Variants in SHROOM2 observed in about 807,000 individuals in gnomAD.
SHROOM2 encodes protein Shroom2.
Under a neutral mutation model 75.9 loss-of-function variants are expected in SHROOM2, and 33 were observed. The ratio of observed to expected loss-of-function variants is 0.43; its 90% CI spans 0.33 to 0.58. The LOEUF (loss-of-function observed/expected upper bound fraction) is 0.58, where lower values mean the gene tolerates loss of function less well. Among genes scored for constraint, SHROOM2 ranks in the 20% least tolerant of loss-of-function variants. The pLI is 0.04. For synonymous variants in SHROOM2, 655 were observed against 663.6 expected (o/e 0.99, Z 0.20); for missense variants, 1,434 against 1,461.2 (o/e 0.98, Z 0.30).
intron 1 of SHROOM2, among the ~76,000 whole-genome samples, chrX:9,834,271 G>T (rs757928767): frequency 0.01 from 1,172 of 112,293 alleles, 19 homozygotes; most frequent in African/African-American, 0.035. Context: ...TGCACCAGGA[G>T]AGTGCTGGGG....
chrX:9,792,053 A>C (rs1385398877), intron 1 of SHROOM2, among the ~76,000 whole-genome samples: 2 of 23,384 alleles, frequency 8.6e-5, no homozygotes, highest in Admixed American at 4.9e-4. Context: ...ATAGAATAGA[A>C]TAGAATAGAA....
chrX:9,947,928 C>T lies in SHROOM2; in HGVS notation c.*991C>T, dbSNP rs1408889870. The T allele has an allele frequency of 8.9e-6, 1 of 112,491 alleles. No homozygotes were observed. Among genetic ancestry groups the T allele is most frequent in the Non-Finnish European group, 1.9e-5 (1 of 53,357 alleles). 9.3% of individuals were successfully genotyped at this position (112,491 alleles called of 1,213,427 possible). ...AGAGGTCCCGTGGACTACACAGCTC[C>T]TGAGCTTGATCTTTTTCTGCCATGA... On this transcript the variant is annotated 3_prime_UTR_variant, in exon 10 of 10. Coordinates refer to ENST00000380913, the MANE Select transcript of SHROOM2 (RefSeq NM_001649.4).
intron 6 of SHROOM2, among the ~76,000 whole-genome samples, chrX:9,935,512 A>G (rs1260042335): frequency 1.8e-5 from 2 of 110,464 alleles, no homozygotes; most frequent in Non-Finnish European, 3.8e-5. Context: ...ACCTATCTAA[A>G]TGGTATTTTC....
intron 7 of SHROOM2, 148 bp downstream of exon 7, chrX:9,937,833 T>C: frequency 7.5e-6 from 4 of 532,335 alleles, no homozygotes; most frequent in Non-Finnish European, 9.0e-6. Flanking sequence ...TAGCACTTTT[T>C]GGCTTTTTTG....
In SHROOM2 at chrX:9,894,284, C is replaced by T. The variant is rs2084310397; in HGVS notation, c.450-74C>T. On this transcript the variant is annotated intron_variant, in intron 3 of 9. Transcript: ENST00000380913. ...TGGTATTTCCACAGAGGGTCAGCTG[C>T]GTCCACCGCCTTGCCCTTTGCCATT... 9 of 994,679 alleles carry T rather than the reference C, an allele frequency of 9.0e-6. No homozygotes were observed. The South Asian group carries it at 1.4e-4, about 15-fold the overall frequency. The allele number at this position is 994,679 out of a possible 1,213,427, so 82.0% of individuals were successfully genotyped here.
chrX:9,873,041 A>G (rs1224331582), intron 1 of SHROOM2, among the ~76,000 whole-genome samples: 3 of 112,182 alleles, frequency 2.7e-5, no homozygotes, highest in Non-Finnish European at 3.8e-5. Flanking sequence ...GAGGCCACAT[A>G]TTGTATTACT....
In SHROOM2 at chrX:9,816,426, T is replaced by C. The variant is rs750806990; in HGVS notation, c.165+29716T>C. 9.8e-5 allele frequency among the ~76,000 whole-genome samples: 11 copies of C among 112,504 alleles called. No individual in the cohort carries two copies. The South Asian group carries it at 4.1e-3, about 42-fold the overall frequency. On this transcript the variant is annotated intron_variant, in intron 1 of 9. Transcript: ENST00000380913. ...TTAAAACTCACAATTTCAAAGGTCA[T>C]AGGATTTTTGTCCTGACCCCGGTGG...
chrX:9,922,889 G>A (rs2084559802), intron 5 of SHROOM2, among the ~76,000 whole-genome samples: 1 of 111,720 alleles, frequency 9.0e-6, no homozygotes, highest in Admixed American at 9.5e-5. Context: ...AGCTTTTGAT[G>A]AGGGACGTGT....
At chrX:9,935,589 A>G (rs1176589265) in intron 6 of SHROOM2, among the ~76,000 whole-genome samples, 1 of 111,178 alleles carries the variant, frequency 9.0e-6, no homozygotes, top group Non-Finnish European at 1.9e-5. Flanking sequence ...GTCCCTAGAT[A>G]AAACACATCA....
Position 9,939,277 on chromosome X carries a change from C to A in SHROOM2, c.4222C>A (p.Leu1408Met), listed in dbSNP as rs1169874414. 8.3e-7 allele frequency: 1 copy of A among 1,210,292 alleles called. No individual in the cohort carries two copies. Among genetic ancestry groups the A allele is most frequent in the Non-Finnish European group, 1.1e-6 (1 of 894,534 alleles). ...YYSTSAPKAE[L>M]LIKMKDLQEQ... Reference sequence around the variant, plus strand: ...CAGCACGTCGGCCCCCAAGGCGGAGCTGCTGATCAAGATGAAGGACCTGCA... The same window carrying A: ...CAGCACGTCGGCCCCCAAGGCGGAGATGCTGATCAAGATGAAGGACCTGCA... The change falls in exon 8 of 10, where the codon CTG becomes ATG. Residue 1408 changes from leucine (L) to methionine (M), a missense_variant. By Grantham distance (15) the Leu-to-Met change is conservative. This residue lies in a region of SHROOM2 where 1,340 missense variants were observed against 1,338.3 expected (regional missense o/e 1.00). Coordinates refer to ENST00000380913, the MANE Select transcript of SHROOM2 (RefSeq NM_001649.4).
intron 2 of SHROOM2, among the ~76,000 whole-genome samples, chrX:9,888,667 C>T (rs971890514): frequency 9.0e-6 from 1 of 111,678 alleles, no homozygotes; most frequent in Non-Finnish European, 1.9e-5. Flanking sequence ...TGATCTCAAA[C>T]TCCTGGCCGA....
At chrX:9,903,765 G>A (rs1893353258) in intron 5 of SHROOM2, among the ~76,000 whole-genome samples, 1 of 110,280 alleles carries the variant, frequency 9.1e-6, no homozygotes, top group African/African-American at 3.3e-5. Context: ...AGCTGGTCTT[G>A]AACTCCTGGG....
intron 1 of SHROOM2, among the ~76,000 whole-genome samples, chrX:9,843,744 T>C (rs935749899): frequency 3.6e-5 from 4 of 112,591 alleles, no homozygotes; most frequent in African/African-American, 1.3e-4. Context: ...TCTTCTTGAC[T>C]GTGACAGTTT....
chrX:9,909,496 G>A (rs1054025272), intron 5 of SHROOM2, among the ~76,000 whole-genome samples: 2 of 112,367 alleles, frequency 1.8e-5, no homozygotes, highest in African/African-American at 3.2e-5. Flanking sequence ...AAAGGGGACC[G>A]AGGAGAGGAA....
At chrX:9,836,946 T>C (rs1038909703) in intron 1 of SHROOM2, among the ~76,000 whole-genome samples, 1 of 112,358 alleles carries the variant, frequency 8.9e-6, no homozygotes, top group Non-Finnish European at 1.9e-5. Flanking sequence ...ATTTGGACAC[T>C]CCCTGTACAT....
At chrX:9,810,322 G>A (rs961976100) in intron 1 of SHROOM2, among the ~76,000 whole-genome samples, 1 of 110,980 alleles carries the variant, frequency 9.0e-6, no homozygotes, top group African/African-American at 3.3e-5. Flanking sequence ...GTGTCCCCTT[G>A]ACCTTAATCA....
At chrX:9,808,901 G>A (rs762986025) in intron 1 of SHROOM2, among the ~76,000 whole-genome samples, 37 of 110,705 alleles carry the variant, frequency 3.3e-4, no homozygotes, top group Non-Finnish European at 6.4e-4. Flanking sequence ...TAATTCACAT[G>A]TCACAAAATT....
intron 1 of SHROOM2, among the ~76,000 whole-genome samples, chrX:9,795,169 G>A (rs1370308004): frequency 9.3e-6 from 1 of 107,289 alleles, no homozygotes; most frequent in Non-Finnish European, 1.9e-5. Flanking sequence ...CTGGAGAGCC[G>A]TGGCTATTCA....
chrX:9,931,066 T>C (rs1185784060), intron 5 of SHROOM2, among the ~76,000 whole-genome samples: 1 of 111,210 alleles, frequency 9.0e-6, no homozygotes. Context: ...TGATAACACT[T>C]CAAGCTAGGA....
Sources: gnomAD v4.1 joint callset for allele counts (sites outside exome capture counted in the v4.1 genomes callset) on GRCh38, gnomAD v4.1.1 for gene constraint, gnomAD v4.1.1 regional missense constraint, MANE v1.5 for transcripts, NCBI Gene and HGNC (gene_info 2026-07-23, HGNC 2026-07-21) for gene names.